Variants in EYS observed in about 807,000 individuals in gnomAD.
EYS encodes the protein EGF-like photoreceptor maintenance factor, also known as protein eyes shut homolog.
EYS carries 250 observed loss-of-function variants against 282.1 expected under a neutral mutation model. That is an observed-to-expected ratio of 0.89 (90% CI 0.80 to 0.98). EYS has a LOEUF of 0.98. Ranked by LOEUF, EYS falls within the 50% of genes least tolerant of loss-of-function variation. The pLI is 0.00. For synonymous variants in EYS, 1,355 were observed against 1,282.9 expected (o/e 1.06, Z -1.20); for missense variants, 4,016 against 3,709.0 (o/e 1.08, Z -2.15).
intron 22 of EYS, among the ~76,000 whole-genome samples, chr6:64,628,410 A>AT (rs1767678071): frequency 6.6e-6 from 1 of 152,150 alleles, no homozygotes; most frequent in South Asian, 2.1e-4. Flanking sequence ...TTATCAATAT[A>AT]TTTATTTTAT....
intron 12 of EYS, among the ~76,000 whole-genome samples, chr6:65,220,053 T>C (rs1766421029): frequency 6.6e-6 from 1 of 152,172 alleles, no homozygotes; most frequent in Admixed American, 6.5e-5. Context: ...TCCTCTCATC[T>C]ATAAGCCTCC....
intron 12 of EYS, among the ~76,000 whole-genome samples, chr6:65,225,424 A>C (rs1010182618): frequency 6.6e-6 from 1 of 151,990 alleles, no homozygotes; most frequent in African/African-American, 2.4e-5. Context: ...ATAGAAAACC[A>C]ATCCACATAG....
At chr6:64,162,232 T>C (rs183973499) in intron 31 of EYS, among the ~76,000 whole-genome samples, 37 of 152,280 alleles carry the variant, frequency 2.4e-4, no homozygotes, top group Non-Finnish European at 4.7e-4. Flanking sequence ...AACACAAAAA[T>C]CTCTCATTTG....
At chr6:65,414,755 G>A (rs1046447917) in intron 5 of EYS, among the ~76,000 whole-genome samples, 12 of 152,138 alleles carry the variant, frequency 7.9e-5, no homozygotes, top group African/African-American at 2.6e-4. Flanking sequence ...TGCAGTTTCC[G>A]GGGTGAGGTC....
Position 64,821,685 on chromosome 6 carries a change from T to A in EYS, c.3203A>T (p.Asp1068Val). The A allele has an allele frequency of 6.5e-7, 1 of 1,527,768 alleles. No homozygotes were observed. Among genetic ancestry groups the A allele is most frequent in the East Asian group, 2.5e-5 (1 of 40,422 alleles). The allele number at this position is 1,527,768 out of a possible 1,614,324, so 94.6% of individuals were successfully genotyped here. Residue 1068 changes from aspartate to valine, a missense_variant, in exon 21 of 43, where the codon GAT becomes GTT. Transcript: ENST00000503581. ...ACATTGTGTGCTAGTCCCATCTGCA[T>A]CACATGAACATGGATATTCATTAAT... ...ELINEYPCSC[D>V]ADGTSTQCKI... is the part of the protein sequence containing the mutation.
chr6:64,385,267 A>C (rs1455224516), intron 29 of EYS, among the ~76,000 whole-genome samples: 1 of 152,226 alleles, frequency 6.6e-6, no homozygotes, highest in Non-Finnish European at 1.5e-5. Context: ...AGTTTGTATC[A>C]GTCATCTGGT....
At position 63,959,705 on chromosome 6, in the gene EYS, C is replaced by T. The variant is rs542359738; in HGVS notation, c.7055+24678G>A. 7.9e-5 allele frequency among the ~76,000 whole-genome samples: 12 copies of T among 152,246 alleles called. 1 individual carries two copies. The South Asian group carries it at 2.5e-3, about 32-fold the overall frequency. On this transcript the variant is annotated intron_variant, in intron 35 of 42. Coordinates refer to ENST00000503581, the MANE Select transcript of EYS (RefSeq NM_001142800.2). ...CCATTAAAAGGAATGTGATCATGTC[C>T]TTTGCAGGGACATGGATGAAGCTGG... is the stretch of plus-strand genomic sequence containing the variant.
chr6:63,853,248 C>A (rs1286935135), intron 36 of EYS, among the ~76,000 whole-genome samples: 2 of 152,136 alleles, frequency 1.3e-5, no homozygotes, highest in Admixed American at 1.3e-4. Context: ...CGTCTCAGTC[C>A]AAAATCTCCT....
rs540262697 is a variant in EYS, at chr6:64,369,379, G to A, written c.6078+19311C>T. 2.6e-5 allele frequency among the ~76,000 whole-genome samples: 4 copies of A among 152,160 alleles called. No individual in the cohort carries two copies. The South Asian group carries it at 8.3e-4, about 32-fold the overall frequency. On this transcript the variant is annotated intron_variant, in intron 29 of 42. Coordinates refer to ENST00000503581, the MANE Select transcript of EYS (RefSeq NM_001142800.2). ...CAGCTTTGGTCTTTGGCTTAGCATT[G>A]CCTTGGCTATTCAGGCTCTTTTTTG...
At chr6:64,124,830 G>T (rs1469248243) in intron 31 of EYS, among the ~76,000 whole-genome samples, 1 of 151,990 alleles carries the variant, frequency 6.6e-6, no homozygotes, top group Non-Finnish European at 1.5e-5. Flanking sequence ...AAAGGGAGTT[G>T]GAAGAAGTGA....
rs572792940 is a variant in EYS, at chr6:64,515,929, T to C, written c.5644+74294A>G. Among the ~76,000 whole-genome samples the C allele has an allele frequency of 3.9e-5, 6 of 151,922 alleles. No homozygotes were observed. In the South Asian group the frequency reaches 1.2e-3, roughly 31 times the overall value. On this transcript the variant is annotated intron_variant, in intron 26 of 42. Transcript: ENST00000503581. ...ACATTTATAGCCGAACTTTAAGTAA[T>C]TCCCATATAATTTTATTGTATATTA...
At chr6:64,488,739 T>C (rs12206443) in intron 26 of EYS, among the ~76,000 whole-genome samples, 1 of 151,030 alleles carries the variant, frequency 6.6e-6, no homozygotes, top group African/African-American at 2.4e-5. Flanking sequence ...AGAGGCAACA[T>C]GTAGATAGCA....
chr6:64,355,479 T>C (rs1369291152), intron 29 of EYS, among the ~76,000 whole-genome samples: 1 of 151,610 alleles, frequency 6.6e-6, no homozygotes, highest in African/African-American at 2.4e-5. Flanking sequence ...TAAAGAATCA[T>C]TGTGTGGGTA....
At chr6:64,595,172 C>T (rs920196762) in intron 24 of EYS, among the ~76,000 whole-genome samples, 3 of 152,096 alleles carry the variant, frequency 2.0e-5, no homozygotes, top group African/African-American at 7.2e-5. Context: ...TATCAATCAA[C>T]AATATCAAGG....
At chr6:64,937,935 C>T (rs1203651238) in intron 15 of EYS, among the ~76,000 whole-genome samples, 1 of 151,540 alleles carries the variant, frequency 6.6e-6, no homozygotes. Context: ...GTAATGTTAT[C>T]TGGCCATAAA....
chr6:64,975,704 A>T (rs931684882), intron 14 of EYS, among the ~76,000 whole-genome samples: 2 of 151,902 alleles, frequency 1.3e-5, no homozygotes, highest in Non-Finnish European at 2.9e-5. Context: ...TTTGCTGGAA[A>T]AGCTGAATCT....
rs151060686 is a variant in EYS at position 65,134,719 on chromosome 6, A to G, written c.2024-76992T>C. On this transcript the variant is annotated intron_variant, in intron 12 of 42. Coordinates refer to ENST00000503581, the MANE Select transcript of EYS (RefSeq NM_001142800.2). ...TATGACATGAGTTTACCTATATAACAAACCTGTATGTGTGCCCCTGAATCT... is the reference window on the plus strand; with the variant it reads ...TATGACATGAGTTTACCTATATAACGAACCTGTATGTGTGCCCCTGAATCT... Among the ~76,000 whole-genome samples the G allele has an allele frequency of 6.2e-3, 945 of 152,142 alleles. 12 individuals are homozygous for G. The highest frequency in any genetic ancestry group is 0.022 in the African/African-American group (895 of 41,544).
At chr6:64,524,698 T>TATCCCATCACCATTTATTGTATAG (rs1367840979) in intron 26 of EYS, among the ~76,000 whole-genome samples, 1 of 151,882 alleles carries the variant, frequency 6.6e-6, no homozygotes, top group Non-Finnish European at 1.5e-5. Flanking sequence ...GCTAGCCAGT[T>TATCCCATCACCATTTATTGTATAG]ATCCCATCAC....
chr6:64,729,149 T>C (rs137917902), intron 22 of EYS: 92 of 152,356 alleles, frequency 6.0e-4, no homozygotes, highest in African/African-American at 2.1e-3. Context: ...CAGGAATACA[T>C]GTTCTCACAT....
Sources: allele counts gnomAD v4.1 joint callset (sites outside exome capture counted in the v4.1 genomes callset), GRCh38; gene constraint gnomAD v4.1.1; transcripts MANE v1.5; gene names NCBI Gene and HGNC (gene_info 2026-07-23, HGNC 2026-07-21).